The following MYO7A variants were observed in gnomAD, a reference collection of about 807,000 sequenced individuals.
The protein encoded by MYO7A is unconventional myosin-VIIa.
A neutral mutation model predicts 263.8 loss-of-function variants in MYO7A; 210 were observed. The ratio of observed to expected loss-of-function variants is 0.80; its 90% CI spans 0.71 to 0.89. The LOEUF (loss-of-function observed/expected upper bound fraction) is 0.89, where lower values mean the gene tolerates loss of function less well. MYO7A is among the 40% of genes least tolerant of loss of function. The pLI is 0.00. For synonymous variants in MYO7A, 1,239 were observed against 1,197.3 expected, an observed-to-expected ratio of 1.03 and a Z score of -0.72; for missense variants, 2,820 against 2,968.3, an observed-to-expected ratio of 0.95 and a Z score of 1.16.
chr11:77,141,917 C>T (rs1951233257), intron 2 of MYO7A, among the ~76,000 whole-genome samples: 1 of 152,244 alleles, frequency 6.6e-6, no homozygotes, highest in South Asian at 2.1e-4. Flanking sequence ...TTTGTCACCA[C>T]CTCTAACTAG....
chr11:77,155,532 G>A (rs377763480), intron 4 of MYO7A, among the ~76,000 whole-genome samples: 2 of 152,260 alleles, frequency 1.3e-5, no homozygotes, highest in African/African-American at 2.4e-5. Context: ...ACAGGGCCTG[G>A]AGGCGATGGT....
intron 4 of MYO7A, among the ~76,000 whole-genome samples, chr11:77,151,194 C>A (rs1951933398): frequency 6.6e-6 from 1 of 152,234 alleles, no homozygotes; most frequent in Admixed American, 6.5e-5. Context: ...TCCTAGAGAG[C>A]AAGGACTGTC....
chr11:77,171,053 T>C (rs1330980262), intron 15 of MYO7A, among the ~76,000 whole-genome samples: 2 of 152,226 alleles, frequency 1.3e-5, no homozygotes, highest in Admixed American at 1.3e-4. Context: ...GCCCTGGCCA[T>C]GCAGCAATAA....
At chr11:77,197,247 A>G (rs1956728511) in intron 32 of MYO7A, among the ~76,000 whole-genome samples, 1 of 152,154 alleles carries the variant, frequency 6.6e-6, no homozygotes, top group Non-Finnish European at 1.5e-5. Flanking sequence ...GCTTTCTCTG[A>G]CTTTGGGCCC....
In MYO7A at chr11:77,142,701, GC is replaced by G. The variant is rs1565309555; in HGVS notation, c.19-5del. 5 of 1,603,542 alleles carry G rather than the reference GC, an allele frequency of 3.1e-6. No individual in the cohort carries two copies. The South Asian group carries it at 5.6e-5, about 18-fold the overall frequency. On this transcript the variant is annotated splice_region_variant and splice_polypyrimidine_tract_variant and intron_variant, in intron 2 of 48. Coordinates refer to ENST00000409709, the MANE Select transcript of MYO7A (RefSeq NM_000260.4). ...CTCACCTGGGCTGAGACTCTCTCTC[GC>G]CCATAGGGGGACCATGTGTGGATGG...
chr11:77,156,565 G>T (rs1952473115), intron 5 of MYO7A, 95 bp from the exon 6 acceptor site: 1 of 1,548,542 alleles, frequency 6.5e-7, no homozygotes, highest in Admixed American at 1.7e-5. Context: ...TATTACAGAT[G>T]GGGGAGCTGG....
intron 2 of MYO7A, 31 bp from the exon 3 acceptor site, chr11:77,142,678 C>A: frequency 6.4e-7 from 1 of 1,571,982 alleles, no homozygotes; most frequent in South Asian, 1.2e-5. Flanking sequence ...CCTCCCTGCT[C>A]ACCTGGGCTG....
intron 4 of MYO7A, among the ~76,000 whole-genome samples, chr11:77,148,760 T>A (rs1458215493): frequency 2.6e-5 from 4 of 152,216 alleles, no homozygotes; most frequent in African/African-American, 9.6e-5. Flanking sequence ...ATAATAAATC[T>A]ATTATAAGAT....
At chr11:77,156,214 C>G in intron 5 of MYO7A, 123 bp downstream of exon 5, 1 of 1,062,890 alleles carries the variant, frequency 9.4e-7, no homozygotes, top group South Asian at 1.5e-5. Flanking sequence ...TCTTCAGGAA[C>G]CAGACCTATG....
At position 77,158,303 on chromosome 11, in the gene MYO7A, G is replaced by C. The variant is rs781903197; in HGVS notation, c.876G>C (p.Arg292=). ...AMGNCITCEG[R]VDSQEYANIR... ...GTAACTGCATAACCTGTGAGGGCCG[G>C]GTGGACAGCCAGGAGTACGCCAACA... The change falls in exon 9 of 49, where the codon CGG becomes CGC. Residue 292 remains arginine (R), a synonymous_variant. Coordinates refer to ENST00000409709, the MANE Select transcript of MYO7A (RefSeq NM_000260.4). 1 of 1,609,928 alleles carries C rather than the reference G, an allele frequency of 6.2e-7. No individual in the cohort carries two copies. Among genetic ancestry groups the C allele is most frequent in the East Asian group, 2.2e-5 (1 of 44,764 alleles).
At chr11:77,148,041 C>CGCCCTGCCGGG (rs1254433269) in intron 4 of MYO7A, 91 bp downstream of exon 4, 7 of 1,220,216 alleles carry the variant, frequency 5.7e-6, no homozygotes, top group East Asian at 5.6e-5. Flanking sequence ...CCTCCGGCCC[C>CGCCCTGCCGGG]GCCCTGCCGG....
In MYO7A at chr11:77,203,180, T is replaced by G. The variant is rs537415892; in HGVS notation, c.5289T>G (p.Ser1763Arg). 7 of 1,552,276 alleles carry G rather than the reference T, an allele frequency of 4.5e-6. No homozygotes were observed. The East Asian group carries it at 1.7e-4, about 38-fold the overall frequency. The change falls in exon 38 of 49, where the codon AGT becomes AGG. Residue 1763 changes from serine to arginine, a missense_variant. Transcript: ENST00000409709. ...KQALLKKLLG[S>R]EELSQEACLA... ...CGCTGCTCAAGAAGCTCCTGGGCAG[T>G]GAGGAGCTCTCGCAGGAGGCCTGCC...
At chr11:77,170,486 T>C (rs1953987296) in intron 15 of MYO7A, among the ~76,000 whole-genome samples, 1 of 152,068 alleles carries the variant, frequency 6.6e-6, no homozygotes, top group African/African-American at 2.4e-5. Flanking sequence ...TGTGCCTTCA[T>C]GCGAGTGAAT....
intron 15 of MYO7A, among the ~76,000 whole-genome samples, chr11:77,170,480 C>T (rs1339668489): frequency 6.6e-6 from 1 of 152,120 alleles, no homozygotes; most frequent in Non-Finnish European, 1.5e-5. Context: ...AGGACCTGTG[C>T]CTTCATGCGA....
At chr11:77,206,635 G>C (rs1161187688) in intron 41 of MYO7A, among the ~76,000 whole-genome samples, 3 of 152,254 alleles carry the variant, frequency 2.0e-5, no homozygotes, top group East Asian at 3.9e-4. Flanking sequence ...GGTGGTTGAG[G>C]TTCCCTCCAT....
chr11:77,145,358 C>T (rs1457620079), intron 3 of MYO7A, among the ~76,000 whole-genome samples: 1 of 152,206 alleles, frequency 6.6e-6, no homozygotes, highest in African/African-American at 2.4e-5. Flanking sequence ...TACTCTCATT[C>T]CCATTTCACA....
In MYO7A at chr11:77,186,529, T is replaced by C. The variant is rs559626868; in HGVS notation, c.3503+1814T>C. 7.2e-5 allele frequency among the ~76,000 whole-genome samples: 11 copies of C among 152,322 alleles called. No individual in the cohort carries two copies. The South Asian group carries it at 2.1e-3, about 29-fold the overall frequency. ...GCACTTGTTGCTTCACCTTGCACTTTTATATTTTGGAGACAGCTTCTTGCT... is the reference window on the plus strand; with the variant it reads ...GCACTTGTTGCTTCACCTTGCACTTCTATATTTTGGAGACAGCTTCTTGCT... On this transcript the variant is annotated intron_variant, in intron 27 of 48. Coordinates refer to ENST00000409709, the MANE Select transcript of MYO7A (RefSeq NM_000260.4).
chr11:77,130,039 C>T (rs1555045629), intron 1 of MYO7A, among the ~76,000 whole-genome samples: 1 of 152,156 alleles, frequency 6.6e-6, no homozygotes, highest in African/African-American at 2.4e-5. Context: ...CCCCAATGAC[C>T]CTGCCTCCCC....
chr11:77,167,265 G>A (rs1555073184), intron 15 of MYO7A, among the ~76,000 whole-genome samples: 1 of 152,178 alleles, frequency 6.6e-6, no homozygotes, highest in Non-Finnish European at 1.5e-5. Flanking sequence ...GGGAACCGGG[G>A]ACAGAGTGGG....
Sources: gnomAD v4.1 joint callset for allele counts (sites outside exome capture counted in the v4.1 genomes callset) on GRCh38, gnomAD v4.1.1 for gene constraint, MANE v1.5 for transcripts, NCBI Gene and HGNC (gene_info 2026-07-23, HGNC 2026-07-21) for gene names.